The following HECW1 variants were observed in gnomAD, a reference collection of about 807,000 sequenced individuals.
The protein encoded by HECW1 is HECT, C2 and WW domain containing E3 ubiquitin protein ligase 1.
HECW1 carries 61 observed loss-of-function variants against 182.3 expected under a neutral mutation model. The ratio of observed to expected loss-of-function variants is 0.33; its 90% CI spans 0.27 to 0.41. The LOEUF is 0.41. Among genes scored for constraint, HECW1 ranks in the 10% least tolerant of loss-of-function variants. The pLI is 1.00. For synonymous variants in HECW1, 859 were observed against 832.6 expected (o/e 1.03, Z -0.55); for missense variants, 1,739 against 2,108.9 (o/e 0.82, Z 3.44).
intron 21 of HECW1, among the ~76,000 whole-genome samples, chr7:43,502,594 G>A (rs962707857): frequency 1.3e-5 from 2 of 152,098 alleles, no homozygotes; most frequent in Non-Finnish European, 2.9e-5. Context: ...AGGAGACAGA[G>A]GTTGCAGTGA....
intron 3 of HECW1, among the ~76,000 whole-genome samples, chr7:43,259,207 C>T (rs1336050080): frequency 7.9e-5 from 12 of 151,988 alleles, no homozygotes; most frequent in African/African-American, 2.7e-4. Flanking sequence ...GCCGACATGG[C>T]GAAACCCTGT....
At position 43,445,467 on chromosome 7, in the gene HECW1, C is replaced by G; in HGVS notation, c.2295C>G (p.Gly765=). 6.2e-7 allele frequency: 1 copy of G among 1,612,624 alleles called. No individual in the cohort carries two copies. Residue 765 remains glycine (G), a synonymous_variant, in exon 11 of 30, where the codon GGC becomes GGG. Transcript: ENST00000395891. ...AGCTGGACCCGGAGTCCACGAACGG[C>G]GCTGGGCCGTGGCAAGACGAGCTGG... ...SPELDPESTN[G]AGPWQDELAA... is the part of the protein sequence containing the mutation.
At chr7:43,149,760 T>A (rs1333291489) in intron 2 of HECW1, among the ~76,000 whole-genome samples, 1 of 152,136 alleles carries the variant, frequency 6.6e-6, no homozygotes, top group Non-Finnish European at 1.5e-5. Flanking sequence ...TTCTTCAAAA[T>A]TTTTTTCAGA....
At chr7:43,541,296 C>T in intron 25 of HECW1, 35 bp downstream of exon 25, 1 of 1,533,508 alleles carries the variant, frequency 6.5e-7, no homozygotes, top group Non-Finnish European at 9.0e-7. Flanking sequence ...CCAACCCAGC[C>T]CTGTCTGCAG....
At chr7:43,333,183 T>C (rs1228799167) in intron 5 of HECW1, among the ~76,000 whole-genome samples, 2 of 152,160 alleles carry the variant, frequency 1.3e-5, no homozygotes, top group Non-Finnish European at 1.5e-5. Context: ...CAAGGAAATG[T>C]GGGGGGCATC....
chr7:43,237,153 G>A (rs2152714035), intron 2 of HECW1, among the ~76,000 whole-genome samples: 1 of 98,858 alleles, frequency 1.0e-5, no homozygotes, highest in East Asian at 2.5e-4. Context: ...AGGTAGGTAG[G>A]TAGGTAGGTA....
chr7:43,210,126 G>A (rs1352939171), intron 2 of HECW1, among the ~76,000 whole-genome samples: 1 of 152,128 alleles, frequency 6.6e-6, no homozygotes, highest in Non-Finnish European at 1.5e-5. Flanking sequence ...GGGTGTGAGT[G>A]CAGGGCCTTC....
At chr7:43,480,716 T>C (rs1294239360) in intron 17 of HECW1, among the ~76,000 whole-genome samples, 1 of 147,590 alleles carries the variant, frequency 6.8e-6, no homozygotes, top group Non-Finnish European at 1.5e-5. Flanking sequence ...CACACATATA[T>C]ACGCATATAT....
At chr7:43,456,552 T>G in intron 13 of HECW1, 105 bp downstream of exon 13, 1 of 1,044,024 alleles carries the variant, frequency 9.6e-7, no homozygotes, top group African/African-American at 1.6e-5. Flanking sequence ...ATGAGGAGAC[T>G]GGAAAGTAAT....
At chr7:43,227,823 A>G (rs1401672243) in intron 2 of HECW1, among the ~76,000 whole-genome samples, 1 of 152,264 alleles carries the variant, frequency 6.6e-6, no homozygotes, top group African/African-American at 2.4e-5. Context: ...AAAGCAATAC[A>G]TCCATGAAAC....
chr7:43,123,811 T>C (rs151115039), intron 2 of HECW1, among the ~76,000 whole-genome samples: 116 of 152,312 alleles, frequency 7.6e-4, no homozygotes, highest in African/African-American at 2.6e-3. Context: ...GGCTGTGGGC[T>C]GGGAGTGGAG....
At chr7:43,502,210 T>G (rs1420737291) in intron 21 of HECW1, among the ~76,000 whole-genome samples, 1 of 152,216 alleles carries the variant, frequency 6.6e-6, no homozygotes, top group Non-Finnish European at 1.5e-5. Context: ...CATTGTTATA[T>G]CTCCACAAAG....
chr7:43,262,394 A>G (rs575933318), intron 3 of HECW1, among the ~76,000 whole-genome samples: 70 of 152,278 alleles, frequency 4.6e-4, no homozygotes, highest in Non-Finnish European at 9.6e-4. Flanking sequence ...ACAGCAGCTT[A>G]CAAGGTATTG....
chr7:43,237,854 G>A (rs1267621212), intron 2 of HECW1, among the ~76,000 whole-genome samples: 1 of 150,846 alleles, frequency 6.6e-6, no homozygotes, highest in Non-Finnish European at 1.5e-5. Context: ...CCCCCACTTG[G>A]AGCCTGCAAA....
intron 5 of HECW1, among the ~76,000 whole-genome samples, chr7:43,331,778 G>T (rs1234408004): frequency 6.6e-6 from 1 of 152,184 alleles, no homozygotes; most frequent in Non-Finnish European, 1.5e-5. Context: ...GAGCATCATG[G>T]CAGCTTGCCT....
intron 8 of HECW1, among the ~76,000 whole-genome samples, chr7:43,416,959 C>G (rs986643129): frequency 2.0e-5 from 3 of 152,228 alleles, no homozygotes; most frequent in African/African-American, 2.4e-5. Flanking sequence ...CCCAGTACCT[C>G]AGATGGAAAT....
chr7:43,374,773 C>CAAAAAAAAAAAAAA (rs66910107), intron 6 of HECW1, among the ~76,000 whole-genome samples: 3 of 14,496 alleles, frequency 2.1e-4, no homozygotes, highest in Admixed American at 1.2e-3. Flanking sequence ...GACTCCGTCT[C>CAAAAAAAAAAAAAA]AAAAAAAAAA....
intron 2 of HECW1, among the ~76,000 whole-genome samples, chr7:43,202,042 A>T (rs1294234770): frequency 6.6e-6 from 1 of 152,180 alleles, no homozygotes; most frequent in African/African-American, 2.4e-5. Flanking sequence ...CTTAGCCAAC[A>T]CTGAACTACT....
intron 2 of HECW1, among the ~76,000 whole-genome samples, chr7:43,170,033 C>T (rs1056310001): frequency 6.6e-6 from 1 of 152,170 alleles, no homozygotes; most frequent in African/African-American, 2.4e-5. Context: ...ACCCCCGGGC[C>T]ATGGGGCTGG....
Sources: allele counts gnomAD v4.1 joint callset (sites outside exome capture counted in the v4.1 genomes callset), GRCh38; gene constraint gnomAD v4.1.1; transcripts MANE v1.5; gene names NCBI Gene and HGNC (gene_info 2026-07-23, HGNC 2026-07-21).